PDE4B: variants seen among roughly 807,000 people sequenced by gnomAD.
The protein encoded by PDE4B is 3',5'-cyclic-AMP phosphodiesterase 4B.
In PDE4B, 20 loss-of-function variants were observed where a neutral mutation model predicts 82.2. The ratio of observed to expected loss-of-function variants is 0.24; its 90% CI spans 0.17 to 0.35. PDE4B has a LOEUF of 0.35. Among genes scored for constraint, PDE4B ranks in the 10% least tolerant of loss-of-function variants. The probability of loss-of-function intolerance (pLI) is 1.00; values close to 1 mark genes in which losing one functional copy is unlikely to be tolerated. For synonymous variants in PDE4B, 320 were observed against 318.9 expected (o/e 1.00, Z -0.04); for missense variants, 655 against 907.2 (o/e 0.72, Z 3.57).
intron 6 of PDE4B, 71 bp from the exon 7 acceptor site, chr1:66,265,967 G>A (rs2101730237): frequency 1.9e-6 from 2 of 1,076,202 alleles, no homozygotes; most frequent in Admixed American, 1.7e-5. Flanking sequence ...TAACCATGAG[G>A]GTGGGGTGTC....
chr1:66,232,778 G>T (rs1385171326), intron 3 of PDE4B, among the ~76,000 whole-genome samples: 1 of 152,206 alleles, frequency 6.6e-6, no homozygotes, highest in Non-Finnish European at 1.5e-5. Context: ...GTAGGCCACT[G>T]ATGATCTTGA....
intron 3 of PDE4B, among the ~76,000 whole-genome samples, chr1:66,127,407 G>T (rs1645845992): frequency 6.6e-6 from 1 of 152,098 alleles, no homozygotes; most frequent in South Asian, 2.1e-4. Flanking sequence ...TTAATAAAGG[G>T]TATATAATGT....
intron 3 of PDE4B, among the ~76,000 whole-genome samples, chr1:66,012,662 G>A (rs74084779): frequency 6.2e-4 from 95 of 152,168 alleles, no homozygotes; most frequent in African/African-American, 2.2e-3. Flanking sequence ...TCTGTTCTCA[G>A]TCATCACAGA....
intron 1 of PDE4B, among the ~76,000 whole-genome samples, chr1:65,867,506 G>A (rs187508706): frequency 4.6e-5 from 7 of 152,222 alleles, no homozygotes; most frequent in South Asian, 4.1e-4. Flanking sequence ...TTTACAATAC[G>A]TGTGGCTGAG....
intron 3 of PDE4B, among the ~76,000 whole-genome samples, chr1:66,071,278 A>C (rs1004419527): frequency 4.6e-5 from 7 of 152,112 alleles, no homozygotes; most frequent in African/African-American, 1.7e-4. Flanking sequence ...TTACTATATA[A>C]ACATGAAGGA....
chr1:65,932,821 A>T (rs1647912060), intron 3 of PDE4B, among the ~76,000 whole-genome samples: 1 of 152,152 alleles, frequency 6.6e-6, no homozygotes, highest in South Asian at 2.1e-4. Flanking sequence ...AAGCAGTGTG[A>T]CAGCAGACTA....
At chr1:66,203,541 C>T (rs560603557) in intron 3 of PDE4B, among the ~76,000 whole-genome samples, 7 of 152,238 alleles carry the variant, frequency 4.6e-5, no homozygotes, top group South Asian at 4.1e-4. Flanking sequence ...AGACTTTGTT[C>T]GTTTCTTTTT....
intron 3 of PDE4B, among the ~76,000 whole-genome samples, chr1:65,964,981 G>C (rs4132812): frequency 0.072 from 10,972 of 152,128 alleles, 439 homozygotes; most frequent in South Asian, 0.14. Flanking sequence ...TGTTTTTACT[G>C]TTGAAGCACG....
chr1:66,288,125 C>T (rs1656814179), intron 7 of PDE4B, among the ~76,000 whole-genome samples: 1 of 151,940 alleles, frequency 6.6e-6, no homozygotes, highest in African/African-American at 2.4e-5. Flanking sequence ...ATCTGCTTGG[C>T]TTCTGGGGAT....
At chr1:65,832,450 A>T (rs536734225) in intron 1 of PDE4B, among the ~76,000 whole-genome samples, 4 of 152,350 alleles carry the variant, frequency 2.6e-5, no homozygotes, top group African/African-American at 9.6e-5. Flanking sequence ...TGGTCCAGAT[A>T]AACATATGAC....
At chr1:65,824,500 A>C (rs1446231976) in intron 1 of PDE4B, among the ~76,000 whole-genome samples, 1 of 152,002 alleles carries the variant, frequency 6.6e-6, no homozygotes, top group Admixed American at 6.6e-5. Flanking sequence ...AGTGCTCTGT[A>C]TGCAAAAATA....
intron 7 of PDE4B, among the ~76,000 whole-genome samples, chr1:66,292,677 G>A (rs1657170985): frequency 6.6e-6 from 1 of 152,100 alleles, no homozygotes. Flanking sequence ...TGTAATCAGT[G>A]AACACACGTA....
intron 1 of PDE4B, among the ~76,000 whole-genome samples, chr1:65,908,258 G>A (rs1165822658): frequency 1.3e-4 from 20 of 152,126 alleles, no homozygotes; most frequent in Admixed American, 1.3e-3. Context: ...TCCTACCAGT[G>A]ATTTCCATTG....
rs140991948 is a variant in PDE4B, at chr1:65,899,558, C to T, written c.-70-13687C>T. 6.9e-3 allele frequency among the ~76,000 whole-genome samples: 1,037 copies of T among 149,696 alleles called. 13 individuals are homozygous for T. Among genetic ancestry groups the T allele is most frequent in the African/African-American group, 0.023 (945 of 41,098 alleles). ...GCTGCACAATTCGCAATTGCAAAAACGTGGAACCAACCTCAATGCCCATCA... is the reference window on the plus strand; with the variant it reads ...GCTGCACAATTCGCAATTGCAAAAATGTGGAACCAACCTCAATGCCCATCA... On this transcript the variant is annotated intron_variant, in intron 1 of 16. Transcript: ENST00000341517.
chr1:65,953,584 C>T (rs373399905), intron 3 of PDE4B, among the ~76,000 whole-genome samples: 2 of 152,202 alleles, frequency 1.3e-5, no homozygotes, highest in Non-Finnish European at 2.9e-5. Flanking sequence ...TTCCCTTGAT[C>T]CCCAGTGGGA....
chr1:66,361,294 TATATACCCCTAA>T (rs1662749049), intron 9 of PDE4B, among the ~76,000 whole-genome samples: 1 of 152,170 alleles, frequency 6.6e-6, no homozygotes, highest in East Asian at 1.9e-4. Flanking sequence ...ATACACTCCT[TATATACCCCTAA>T]ATTACACTGA....
At chr1:65,959,199 T>C (rs891748410) in intron 3 of PDE4B, among the ~76,000 whole-genome samples, 1 of 152,208 alleles carries the variant, frequency 6.6e-6, no homozygotes, top group Non-Finnish European at 1.5e-5. Flanking sequence ...GAAATTTAGT[T>C]TTGAAAACAA....
intron 7 of PDE4B, among the ~76,000 whole-genome samples, chr1:66,270,632 A>C (rs1172001495): frequency 6.6e-6 from 1 of 152,230 alleles, no homozygotes; most frequent in East Asian, 1.9e-4. Context: ...GAGGCCCAGC[A>C]CAAGCAGAAC....
At chr1:65,967,922 A>G in intron 3 of PDE4B, among the ~76,000 whole-genome samples, 1 of 152,122 alleles carries the variant, frequency 6.6e-6, no homozygotes, top group East Asian at 1.9e-4. Flanking sequence ...AATGTAGATA[A>G]TGGGTTGATG....
Sources: gnomAD v4.1 joint callset for allele counts (sites outside exome capture counted in the v4.1 genomes callset) on GRCh38, gnomAD v4.1.1 for gene constraint, MANE v1.5 for transcripts, NCBI Gene and HGNC (gene_info 2026-07-23, HGNC 2026-07-21) for gene names.